The following NIBAN1 variants were observed in gnomAD, a reference collection of about 807,000 sequenced individuals.
The protein encoded by NIBAN1 is protein Niban 1.
In NIBAN1, 81 loss-of-function variants were observed where a neutral mutation model predicts 75.1. The observed-to-expected ratio is 1.08, with a 90% CI of 0.90 to 1.30. The LOEUF is 1.30. NIBAN1 is among the 50% of genes most tolerant of loss of function. The pLI, the probability that NIBAN1 is intolerant of heterozygous loss-of-function variation, is 0.00. For missense variants in NIBAN1, 1,133 were observed against 1,128.1 expected (o/e 1.00, Z -0.06); for synonymous variants, 436 against 424.8 (o/e 1.03, Z -0.32).
At chr1:184,858,470 C>T (rs75822207) in intron 5 of NIBAN1, among the ~76,000 whole-genome samples, 2,557 of 151,978 alleles carry the variant, frequency 0.017, 66 homozygotes, top group African/African-American at 0.056. Flanking sequence ...ATGGCCAATC[C>T]GGGAAAGGCC....
At chr1:184,972,064 C>T (rs35401135) in intron 1 of NIBAN1, among the ~76,000 whole-genome samples, 1 of 152,144 alleles carries the variant, frequency 6.6e-6, no homozygotes, top group African/African-American at 2.4e-5. Flanking sequence ...TAGCATACAG[C>T]GGTTTATGAT....
intron 5 of NIBAN1, among the ~76,000 whole-genome samples, chr1:184,854,842 T>C (rs1401784384): frequency 2.6e-5 from 4 of 152,250 alleles, no homozygotes; most frequent in Non-Finnish European, 5.9e-5. Context: ...TCACGTATTG[T>C]AATTAACTCA....
intron 8 of NIBAN1, among the ~76,000 whole-genome samples, chr1:184,820,703 C>T (rs78311438): frequency 1.3e-5 from 2 of 152,232 alleles, no homozygotes; most frequent in Admixed American, 1.3e-4. Flanking sequence ...AGCGATGATG[C>T]CTGAAAGGCG....
In NIBAN1 at chr1:184,793,128, G is replaced by A. The variant is rs1048011998; in HGVS notation, c.*1849C>T. On this transcript the variant is annotated 3_prime_UTR_variant, in exon 14 of 14. Transcript: ENST00000367511. ...TGACCTAGAAATTCTTCATGGGAGG[G>A]CTGAAAAGGGTGATATTTTAATTTC... 6.6e-6 allele frequency: 1 copy of A among 152,110 alleles called. No individual in the cohort carries two copies. Among genetic ancestry groups the A allele is most frequent in the Non-Finnish European group, 1.5e-5 (1 of 68,014 alleles). 9.4% of individuals were successfully genotyped at this position (152,110 alleles called of 1,614,324 possible).
rs777435925 is a variant in NIBAN1 at position 184,939,388 on chromosome 1, C to T, written c.55+34914G>A. Among the ~76,000 whole-genome samples, 106 of 152,328 alleles carry T rather than the reference C, an allele frequency of 7.0e-4. 3 individuals are homozygous for T. Among genetic ancestry groups the T allele is most frequent in the Non-Finnish European group, 1.3e-3 (86 of 68,028 alleles). ...ACAAGGCCAAGGCTTCTCCCCTATT[C>T]CTACTGTCCCCACAATAGAGCATGC... On this transcript the variant is annotated intron_variant, in intron 1 of 13. Transcript: ENST00000367511.
At chr1:184,963,367 T>C (rs1658700516) in intron 1 of NIBAN1, among the ~76,000 whole-genome samples, 1 of 152,098 alleles carries the variant, frequency 6.6e-6, no homozygotes. Flanking sequence ...CCTTTTCAAG[T>C]AGGAACAGGA....
chr1:184,946,764 G>A (rs897127903), intron 1 of NIBAN1, among the ~76,000 whole-genome samples: 1 of 152,282 alleles, frequency 6.6e-6, no homozygotes, highest in Non-Finnish European at 1.5e-5. Context: ...AAAGAAATCT[G>A]GAACAACAGG....
intron 5 of NIBAN1, among the ~76,000 whole-genome samples, chr1:184,859,880 C>T (rs1030929850): frequency 2.0e-5 from 3 of 152,104 alleles, no homozygotes; most frequent in African/African-American, 7.2e-5. Context: ...CTGAGGTCTG[C>T]ATCAGGAAAG....
intron 4 of NIBAN1, among the ~76,000 whole-genome samples, chr1:184,889,576 A>G (rs755599590): frequency 6.6e-6 from 1 of 152,186 alleles, no homozygotes; most frequent in African/African-American, 2.4e-5. Flanking sequence ...CTTGCTTACT[A>G]GAAGATGGGA....
chr1:184,922,488 C>T (rs898662727), intron 1 of NIBAN1, among the ~76,000 whole-genome samples: 1 of 152,216 alleles, frequency 6.6e-6, no homozygotes, highest in Non-Finnish European at 1.5e-5. Context: ...CAAGTGAGAA[C>T]ATACAAAGGT....
At chr1:184,861,993 T>C (rs777485867) in intron 5 of NIBAN1, among the ~76,000 whole-genome samples, 121 of 152,176 alleles carry the variant, frequency 8.0e-4, no homozygotes, top group Non-Finnish European at 1.5e-3. Flanking sequence ...AAACAAATTT[T>C]CTATCCTTTT....
intron 6 of NIBAN1, among the ~76,000 whole-genome samples, chr1:184,827,948 G>C (rs920872017): frequency 8.0e-6 from 1 of 124,796 alleles, no homozygotes; most frequent in Non-Finnish European, 1.7e-5. Context: ...AATGCGGGTA[G>C]TTTTGTTTTT....
intron 2 of NIBAN1, among the ~76,000 whole-genome samples, chr1:184,895,915 G>T (rs1656787239): frequency 6.6e-6 from 1 of 152,142 alleles, no homozygotes; most frequent in African/African-American, 2.4e-5. Flanking sequence ...TGACTGTGTA[G>T]CATCCTGTGG....
At chr1:184,917,489 G>A (rs1005665330) in intron 1 of NIBAN1, among the ~76,000 whole-genome samples, 5 of 150,720 alleles carry the variant, frequency 3.3e-5, no homozygotes, top group Admixed American at 1.3e-4. Flanking sequence ...GATTACAGGC[G>A]TGAGCCACCC....
intron 8 of NIBAN1, among the ~76,000 whole-genome samples, chr1:184,822,871 A>C (rs1187875080): frequency 2.0e-5 from 3 of 152,170 alleles, no homozygotes; most frequent in Non-Finnish European, 4.4e-5. Context: ...AGCAGAAGCC[A>C]GTCTAATTCA....
rs753885053 is a variant in NIBAN1, at chr1:184,795,442, T to C, written c.2322A>G (p.Gln774=). ...CCCCATGGGCCTCGGGACAGGGAGG[T>C]TGGGCCTCCCTCTCGCTGACTTCAC... The part of the protein sequence containing the change: ...EESEVSEREA[Q]PPCPEAHGEE... Residue 774 remains glutamine (Q), a synonymous_variant, in exon 14 of 14, where the codon CAA becomes CAG. Coordinates refer to ENST00000367511, the MANE Select transcript of NIBAN1 (RefSeq NM_052966.4). 4 of 1,607,714 alleles carry C rather than the reference T, an allele frequency of 2.5e-6. No homozygotes were observed. Among genetic ancestry groups the C allele is most frequent in the Middle Eastern group, 1.7e-4 (1 of 6,006 alleles).
chr1:184,808,353 A>T, intron 9 of NIBAN1, 118 bp from the exon 10 acceptor site: 1 of 1,022,978 alleles, frequency 9.8e-7, no homozygotes, highest in Non-Finnish European at 1.4e-6. Flanking sequence ...GTGAATCACT[A>T]CTTGGATCCC....
intron 1 of NIBAN1, among the ~76,000 whole-genome samples, chr1:184,941,599 A>G (rs1658087947): frequency 6.6e-6 from 1 of 151,588 alleles, no homozygotes; most frequent in Non-Finnish European, 1.5e-5. Context: ...GCAGTTAGCT[A>G]AGATCGCACC....
At chr1:184,882,374 G>A (rs767934088) in intron 5 of NIBAN1, among the ~76,000 whole-genome samples, 69 of 152,254 alleles carry the variant, frequency 4.5e-4, no homozygotes, top group African/African-American at 1.4e-3. Context: ...AAAAAGAGGC[G>A]AGAAAAGAAA....
Sources: gnomAD v4.1 joint callset for allele counts (sites outside exome capture counted in the v4.1 genomes callset) on GRCh38, gnomAD v4.1.1 for gene constraint, MANE v1.5 for transcripts, NCBI Gene and HGNC (gene_info 2026-07-23, HGNC 2026-07-21) for gene names.